STXBP4: variants seen among roughly 807,000 people sequenced by gnomAD.
The protein encoded by STXBP4 is syntaxin-binding protein 4.
In STXBP4, 55 loss-of-function variants were observed where a neutral mutation model predicts 76.1. The ratio of observed to expected loss-of-function variants is 0.72; its 90% CI spans 0.58 to 0.91. STXBP4 has a LOEUF of 0.91. Ranked by LOEUF, STXBP4 falls within the 40% of genes least tolerant of loss-of-function variation. The probability of loss-of-function intolerance (pLI) is 0.00; values close to 1 mark genes in which losing one functional copy is unlikely to be tolerated. For missense variants in STXBP4, 618 were observed against 636.9 expected, an observed-to-expected ratio of 0.97 and a Z score of 0.32; for synonymous variants, 201 against 220.2, an observed-to-expected ratio of 0.91 and a Z score of 0.77.
chr17:55,037,817 T>C (rs1005005039), intron 10 of STXBP4, among the ~76,000 whole-genome samples: 3 of 152,166 alleles, frequency 2.0e-5, no homozygotes, highest in African/African-American at 7.2e-5. Flanking sequence ...AAAACTTTGG[T>C]TTCACGATTC....
At chr17:54,983,087 G>C (rs2077573339) in intron 1 of STXBP4, among the ~76,000 whole-genome samples, 1 of 152,088 alleles carries the variant, frequency 6.6e-6, no homozygotes, top group African/African-American at 2.4e-5. Context: ...GGCTCCTGTG[G>C]GAAGAAAATC....
chr17:55,179,172 A>G, the STXBP4 span, among the ~76,000 whole-genome samples: 1 of 152,228 alleles, frequency 6.6e-6, no homozygotes, highest in African/African-American at 2.4e-5. Flanking sequence ...TTCTTCCCTT[A>G]GGAAATTTTT....
chr17:55,182,810 AAC>A, the STXBP4 span, among the ~76,000 whole-genome samples: 1 of 152,030 alleles, frequency 6.6e-6, no homozygotes, highest in South Asian at 2.1e-4. Context: ...CAACAACAAC[AAC>A]AAAAAACATT....
At chr17:54,982,115 T>C (rs2144337454) in intron 1 of STXBP4, among the ~76,000 whole-genome samples, 2 of 152,286 alleles carry the variant, frequency 1.3e-5, no homozygotes, top group South Asian at 4.1e-4. Flanking sequence ...TCAATTTCAT[T>C]ATGGCATTTT....
chr17:55,019,601 C>T (rs1458849088), intron 8 of STXBP4, among the ~76,000 whole-genome samples: 1 of 151,898 alleles, frequency 6.6e-6, no homozygotes, highest in Admixed American at 6.6e-5. Flanking sequence ...TTAGAATTAC[C>T]TGTGTTTACC....
At chr17:55,027,306 G>A (rs947067336) in intron 8 of STXBP4, among the ~76,000 whole-genome samples, 1 of 152,146 alleles carries the variant, frequency 6.6e-6, no homozygotes, top group Non-Finnish European at 1.5e-5. Flanking sequence ...ACAGAAACTT[G>A]TGGGAACCCT....
intron 13 of STXBP4, among the ~76,000 whole-genome samples, chr17:55,074,129 A>C (rs1267135420): frequency 6.6e-6 from 1 of 152,210 alleles, no homozygotes; most frequent in African/African-American, 2.4e-5. Flanking sequence ...TCAGTTTCTA[A>C]GAGAACATAA....
chr17:55,089,803 G>A (rs767187450), intron 16 of STXBP4, among the ~76,000 whole-genome samples: 1 of 151,532 alleles, frequency 6.6e-6, no homozygotes, highest in Non-Finnish European at 1.5e-5. Context: ...CCCATATGAG[G>A]TCTTTAATAA....
intron 2 of STXBP4, 53 bp from the exon 3 acceptor site, chr17:54,986,089 A>G: frequency 1.3e-6 from 1 of 757,434 alleles, no homozygotes; most frequent in South Asian, 1.6e-5. Flanking sequence ...AGTTGGAATC[A>G]AATTTGACAG....
At chr17:54,973,313 AAAC>A (rs1288852531) in intron 1 of STXBP4, among the ~76,000 whole-genome samples, 10 of 152,232 alleles carry the variant, frequency 6.6e-5, no homozygotes, top group Non-Finnish European at 1.5e-4. Context: ...GATGACAACA[AAAC>A]AACAACAAAA....
chr17:55,198,415 A>G, the STXBP4 span, among the ~76,000 whole-genome samples: 3 of 152,192 alleles, frequency 2.0e-5, no homozygotes, highest in Non-Finnish European at 2.9e-5. Context: ...TACAGGATGC[A>G]TGAGTGGGCT....
chr17:55,211,303 G>A, the STXBP4 span, among the ~76,000 whole-genome samples: 51 of 152,104 alleles, frequency 3.4e-4, no homozygotes, highest in East Asian at 9.3e-3. Context: ...GCAGTGGCGA[G>A]ATATGGGCTC....
chr17:55,167,401 G>C lies in STXBP4; in HGVS notation c.*7490G>C, dbSNP rs770934423. ...GGGAAACAAAGATTGAATTAAGAAG[G>C]AAATGAGGTGGGGGTTTAAGTAAGC... is the stretch of plus-strand genomic sequence containing the variant. On this transcript the variant is annotated 3_prime_UTR_variant, in exon 18 of 18. Coordinates refer to ENST00000376352, the MANE Select transcript of STXBP4 (RefSeq NM_178509.6). 3 of 152,166 alleles carry C rather than the reference G, an allele frequency of 2.0e-5. No homozygotes were observed. The highest frequency in any genetic ancestry group is 7.2e-5 in the African/African-American group (3 of 41,446). 9.4% of individuals were successfully genotyped at this position (152,166 alleles called of 1,614,324 possible).
intron 12 of STXBP4, among the ~76,000 whole-genome samples, chr17:55,049,071 A>G (rs1204496971): frequency 6.6e-6 from 1 of 152,030 alleles, no homozygotes; most frequent in Non-Finnish European, 1.5e-5. Context: ...TCAAAACAAC[A>G]TGCAAAGTAA....
chr17:55,045,483 T>A (rs1455047285), intron 11 of STXBP4, among the ~76,000 whole-genome samples: 1 of 152,076 alleles, frequency 6.6e-6, no homozygotes, highest in Non-Finnish European at 1.5e-5. Context: ...CCTTATAGTT[T>A]ATCATTGTTA....
At chr17:55,110,814 T>C (rs2079703193) in intron 16 of STXBP4, among the ~76,000 whole-genome samples, 1 of 152,184 alleles carries the variant, frequency 6.6e-6, no homozygotes, top group African/African-American at 2.4e-5. Flanking sequence ...AGCACATAAA[T>C]AATATTTTTA....
At chr17:55,030,056 C>A (rs1007948991) in intron 8 of STXBP4, among the ~76,000 whole-genome samples, 6 of 152,136 alleles carry the variant, frequency 3.9e-5, no homozygotes, top group Admixed American at 2.6e-4. Context: ...ATAGGACATC[C>A]AATTAGTCCC....
chr17:55,184,881 T>C, the STXBP4 span, among the ~76,000 whole-genome samples: 1 of 152,178 alleles, frequency 6.6e-6, no homozygotes, highest in Admixed American at 6.5e-5. Context: ...AGATTGTTTG[T>C]TTGTTTGTTG....
At chr17:55,209,802 G>C in the STXBP4 span, among the ~76,000 whole-genome samples, 2 of 152,144 alleles carry the variant, frequency 1.3e-5, no homozygotes, top group Non-Finnish European at 2.9e-5. Context: ...TGAGAACATG[G>C]CTCTGCATCC....
Sources: gnomAD v4.1 joint callset for allele counts (sites outside exome capture counted in the v4.1 genomes callset) on GRCh38, gnomAD v4.1.1 for gene constraint, MANE v1.5 for transcripts, NCBI Gene and HGNC (gene_info 2026-07-23, HGNC 2026-07-21) for gene names.